ITGBL1: variants seen among roughly 807,000 people sequenced by gnomAD.
ITGBL1 encodes integrin beta-like protein 1.
In ITGBL1, 51 loss-of-function variants were observed where a neutral mutation model predicts 68.5. The ratio of observed to expected loss-of-function variants is 0.74; its 90% CI spans 0.59 to 0.94. The LOEUF is 0.94. Among genes scored for constraint, ITGBL1 ranks in the 40% least tolerant of loss-of-function variants. ITGBL1 has a pLI of 0.00. For synonymous variants in ITGBL1, 209 were observed against 227.3 expected, an observed-to-expected ratio of 0.92 and a Z score of 0.72; for missense variants, 649 against 647.4, an observed-to-expected ratio of 1.00 and a Z score of -0.03.
At chr13:101,621,087 A>G (rs1459901781) in intron 7 of ITGBL1, among the ~76,000 whole-genome samples, 1 of 152,192 alleles carries the variant, frequency 6.6e-6, no homozygotes, top group African/African-American at 2.4e-5. Context: ...TGGGTTTATC[A>G]TGGTCTCCCA....
intron 7 of ITGBL1, among the ~76,000 whole-genome samples, chr13:101,654,131 T>C (rs1461246724): frequency 2.0e-5 from 3 of 152,080 alleles, no homozygotes; most frequent in African/African-American, 4.8e-5. Flanking sequence ...GTTTGCCGAT[T>C]TCAGGAACGA....
At chr13:101,471,142 A>G (rs140006570) in intron 2 of ITGBL1, among the ~76,000 whole-genome samples, 52 of 152,272 alleles carry the variant, frequency 3.4e-4, no homozygotes, top group African/African-American at 1.2e-3. Context: ...TGTCATTTTC[A>G]TATGTGAAAG....
downstream of ITGBL1, chr13:101,717,800 T>G (rs899875116): frequency 1.4e-4 from 21 of 152,144 alleles, no homozygotes; most frequent in African/African-American, 4.3e-4. Flanking sequence ...CAGCCTCAGC[T>G]CCACTGGAAC....
At chr13:101,586,373 T>C (rs1283115298) in intron 6 of ITGBL1, among the ~76,000 whole-genome samples, 2 of 152,208 alleles carry the variant, frequency 1.3e-5, no homozygotes, top group African/African-American at 4.8e-5. Flanking sequence ...GAATTGAACA[T>C]GGCCAGCTTT....
chr13:101,625,660 CTCCTGCTTTAGCCT>C (rs1055656913), intron 7 of ITGBL1, among the ~76,000 whole-genome samples: 1 of 151,894 alleles, frequency 6.6e-6, no homozygotes, highest in Non-Finnish European at 1.5e-5. Flanking sequence ...TCAAGCGATT[CTCCTGCTTTAGCCT>C]CCTGAGTAGC....
chr13:101,708,958 T>G, intron 9 of ITGBL1, among the ~76,000 whole-genome samples: 1 of 152,324 alleles, frequency 6.6e-6, no homozygotes, highest in Middle Eastern at 3.4e-3. Context: ...CTCAGGGGGC[T>G]TCAGCCCCTA....
At chr13:101,703,786 A>T (rs1448227802) in intron 8 of ITGBL1, among the ~76,000 whole-genome samples, 3 of 152,216 alleles carry the variant, frequency 2.0e-5, no homozygotes, top group African/African-American at 7.2e-5. Context: ...AAAATCATAT[A>T]TGGATGTAGG....
intron 7 of ITGBL1, among the ~76,000 whole-genome samples, chr13:101,598,904 A>G (rs2030169504): frequency 1.3e-5 from 2 of 152,134 alleles, no homozygotes; most frequent in Admixed American, 6.5e-5. Context: ...ATACGTGTGC[A>G]TGTGTCTTTA....
At chr13:101,464,535 A>G (rs78931378) in intron 2 of ITGBL1, among the ~76,000 whole-genome samples, 1 of 150,918 alleles carries the variant, frequency 6.6e-6, no homozygotes, top group Non-Finnish European at 1.5e-5. Flanking sequence ...CTCTCTCTAT[A>G]TATATATATA....
chr13:101,706,325 CTTTTG>C (rs1245722782), intron 8 of ITGBL1, among the ~76,000 whole-genome samples: 3 of 152,130 alleles, frequency 2.0e-5, no homozygotes, highest in East Asian at 3.9e-4. Context: ...GAAAGTTACC[CTTTTG>C]TTTTATTAGT....
At chr13:101,557,956 A>G (rs9518444) in intron 2 of ITGBL1, among the ~76,000 whole-genome samples, 3,291 of 151,752 alleles carry the variant, frequency 0.022, 43 homozygotes, top group East Asian at 0.083. Context: ...AGGCATGGTG[A>G]TGCACTCCTG....
intron 10 of ITGBL1, 116 bp from the exon 11 acceptor site, chr13:101,715,447 A>G: frequency 1.3e-6 from 1 of 777,348 alleles, no homozygotes; most frequent in Non-Finnish European, 2.3e-6. Flanking sequence ...ACAATAAGAA[A>G]ATCTACCAAG....
intron 2 of ITGBL1, among the ~76,000 whole-genome samples, chr13:101,533,852 G>T (rs1408518608): frequency 6.6e-6 from 1 of 152,180 alleles, no homozygotes; most frequent in African/African-American, 2.4e-5. Flanking sequence ...CTATTTGGCT[G>T]CTACTTTGGA....
chr13:101,503,435 T>C (rs1728513667), intron 2 of ITGBL1, among the ~76,000 whole-genome samples: 1 of 152,132 alleles, frequency 6.6e-6, no homozygotes, highest in African/African-American at 2.4e-5. Context: ...AACACTATTC[T>C]GAAATAATGG....
chr13:101,618,920 C>T (rs1399915437), intron 7 of ITGBL1, among the ~76,000 whole-genome samples: 2 of 151,968 alleles, frequency 1.3e-5, no homozygotes, highest in Admixed American at 6.6e-5. Flanking sequence ...AGGTTTGAAC[C>T]AATCACTGAT....
At chr13:101,496,877 A>G in intron 2 of ITGBL1, among the ~76,000 whole-genome samples, 1 of 152,242 alleles carries the variant, frequency 6.6e-6, no homozygotes, top group East Asian at 1.9e-4. Context: ...GGTGTCCTTA[A>G]AAATCCAGAG....
intron 7 of ITGBL1, among the ~76,000 whole-genome samples, chr13:101,639,456 A>T (rs920567601): frequency 6.6e-6 from 1 of 152,158 alleles, no homozygotes; most frequent in African/African-American, 2.4e-5. Context: ...AATAAAATCA[A>T]ATCCATTATT....
chr13:101,480,479 C>A (rs1594835635), intron 2 of ITGBL1, among the ~76,000 whole-genome samples: 1 of 151,026 alleles, frequency 6.6e-6, no homozygotes, highest in Non-Finnish European at 1.5e-5. Context: ...TGACTACAGT[C>A]AAAAATAATT....
At chr13:101,458,006 A>G (rs2048267524) in intron 2 of ITGBL1, among the ~76,000 whole-genome samples, 1 of 152,210 alleles carries the variant, frequency 6.6e-6, no homozygotes, top group Non-Finnish European at 1.5e-5. Flanking sequence ...TTTCAGTTTT[A>G]GTAATTTAGG....
Sources: allele counts gnomAD v4.1 joint callset (sites outside exome capture counted in the v4.1 genomes callset), GRCh38; gene constraint gnomAD v4.1.1; transcripts MANE v1.5; gene names NCBI Gene and HGNC (gene_info 2026-07-23, HGNC 2026-07-21).